The following TBK1 variants were observed in gnomAD, a reference collection of about 807,000 sequenced individuals.
The protein encoded by TBK1 is TANK binding kinase 1.
In TBK1, 37 loss-of-function variants were observed where a neutral mutation model predicts 99.9. The ratio of observed to expected loss-of-function variants is 0.37; its 90% CI spans 0.28 to 0.49. The LOEUF (loss-of-function observed/expected upper bound fraction) is 0.49. Among genes scored for constraint, TBK1 ranks in the 20% least tolerant of loss-of-function variants. The probability of loss-of-function intolerance (pLI) is 0.98; values close to 1 mark genes in which losing one functional copy is unlikely to be tolerated. For synonymous variants in TBK1, 258 were observed against 279.8 expected, an observed-to-expected ratio of 0.92 and a Z score of 0.78; for missense variants, 644 against 872.5, an observed-to-expected ratio of 0.74 and a Z score of 3.30.
At chr12:64,477,205 A>AG (rs749438094) in intron 6 of TBK1, among the ~76,000 whole-genome samples, 5 of 152,166 alleles carry the variant, frequency 3.3e-5, no homozygotes, top group Non-Finnish European at 7.4e-5. Context: ...TCTGTGAAAA[A>AG]TAACTGATAA....
Position 64,488,518 on chromosome 12 carries a change from G to A in TBK1, c.1372G>A (p.Val458Ile), listed in dbSNP as rs1381260223. 2.5e-6 allele frequency: 4 copies of A among 1,599,486 alleles called. No individual in the cohort carries two copies. Among genetic ancestry groups the A allele is most frequent in the African/African-American group, 1.3e-5 (1 of 74,198 alleles). Reference sequence around the variant, plus strand: ...AATTAAAGATGATTACAATGAAACTGTTCACAAAAAGACAGAAGTTGTGAT... The same window carrying A: ...AATTAAAGATGATTACAATGAAACTATTCACAAAAAGACAGAAGTTGTGAT... ...ELIKDDYNET[V>I]HKKTEVVITL... The change falls in exon 12 of 21, where the codon GTT becomes ATT. Residue 458 changes from valine (V) to isoleucine (I), a missense_variant. This residue lies in a region of TBK1 where 465 missense variants were observed against 588.0 expected (regional missense o/e 0.79). Transcript: ENST00000331710.
chr12:64,484,281 C>T (rs1403782445), intron 8 of TBK1, 22 bp from the exon 9 acceptor site: 3 of 1,537,574 alleles, frequency 2.0e-6, no homozygotes, highest in African/African-American at 2.8e-5. Flanking sequence ...TTATAGTGTC[C>T]TTTTGAATTT....
Position 64,497,621 on chromosome 12 carries a change from C to CTTTT in TBK1, c.1960-14_1960-11dup, listed in dbSNP as rs71092972. ...TCTGTGATTAATGTGGGGTTTTTTT[C>CTTTT]TTTTTTTTTTTTTTTTGATGTTTCA... On this transcript the variant is annotated intron_variant, in intron 18 of 20. Coordinates refer to ENST00000331710, the MANE Select transcript of TBK1 (RefSeq NM_013254.4). 1.2e-4 allele frequency: 118 copies of CTTTT among 1,024,980 alleles called. 1 individual carries two copies. The highest frequency in any genetic ancestry group is 2.4e-4 in the South Asian group (14 of 58,998). The allele number at this position is 1,024,980 out of a possible 1,614,324, so 63.5% of individuals were successfully genotyped here.
At chr12:64,453,045 G>A (rs2040445033) in intron 1 of TBK1, 1 of 152,308 alleles carries the variant, frequency 6.6e-6, no homozygotes, top group East Asian at 1.9e-4. Context: ...TAAGGAAGTA[G>A]GCTGAAGACG....
chr12:64,462,104 A>AT (rs2040554096), intron 3 of TBK1, among the ~76,000 whole-genome samples: 1 of 152,104 alleles, frequency 6.6e-6, no homozygotes, highest in African/African-American at 2.4e-5. Context: ...GTTTGGGGTA[A>AT]TTCCTTTAGT....
intron 2 of TBK1, among the ~76,000 whole-genome samples, chr12:64,457,741 C>T (rs975674163): frequency 6.6e-6 from 1 of 152,174 alleles, no homozygotes; most frequent in Non-Finnish European, 1.5e-5. Flanking sequence ...GCTCCTCTTT[C>T]CTTACTTAGA....
At chr12:64,481,766 G>A in intron 7 of TBK1, 76 bp from the exon 8 acceptor site, 1 of 1,085,630 alleles carries the variant, frequency 9.2e-7, no homozygotes. Context: ...TGATTTGCTG[G>A]TAAATACTAT....
At chr12:64,464,869 G>A (rs1047421592) in intron 4 of TBK1, among the ~76,000 whole-genome samples, 2 of 151,972 alleles carry the variant, frequency 1.3e-5, no homozygotes, top group Non-Finnish European at 1.5e-5. Flanking sequence ...ATTAATAACC[G>A]ACATCATTGG....
chr12:64,477,540 A>G (rs2040726589), intron 6 of TBK1, among the ~76,000 whole-genome samples: 1 of 152,234 alleles, frequency 6.6e-6, no homozygotes, highest in Non-Finnish European at 1.5e-5. Flanking sequence ...TATCAGGTCT[A>G]GGAGTCTTTT....
intron 1 of TBK1, among the ~76,000 whole-genome samples, chr12:64,455,327 A>G (rs976136840): frequency 4.6e-5 from 7 of 152,142 alleles, no homozygotes; most frequent in African/African-American, 1.7e-4. Flanking sequence ...ATTTTATTAT[A>G]GTATGTATAG....
intron 1 of TBK1, among the ~76,000 whole-genome samples, chr12:64,454,992 T>A: frequency 2.6e-4 from 1 of 3,856 alleles, no homozygotes; most frequent in South Asian, 8.6e-3. Context: ...TTTTTTTTTC[T>A]TTTTTTTTTT....
chr12:64,501,192 T>C, intron 20 of TBK1, 138 bp from the exon 21 acceptor site: 2 of 766,152 alleles, frequency 2.6e-6, no homozygotes, highest in Non-Finnish European at 2.1e-6. Flanking sequence ...CAGTAAGAAA[T>C]AGAACAAATC....
intron 6 of TBK1, 31 bp downstream of exon 6, chr12:64,474,421 A>G (rs777522240): frequency 1.3e-6 from 2 of 1,581,760 alleles, no homozygotes; most frequent in Non-Finnish European, 1.7e-6. Context: ...AAATCAGAGA[A>G]GCATTTAAAA....
At chr12:64,488,413 C>T in intron 11 of TBK1, 74 bp from the exon 12 acceptor site, 1 of 769,970 alleles carries the variant, frequency 1.3e-6, no homozygotes, top group Non-Finnish European at 2.1e-6. Flanking sequence ...AACTGTAGTA[C>T]TGCAGTATAA....
In TBK1 at chr12:64,494,538, G is replaced by C. The variant is rs558386464; in HGVS notation, c.1522-945G>C. On this transcript the variant is annotated intron_variant, in intron 13 of 20. Coordinates refer to ENST00000331710, the MANE Select transcript of TBK1 (RefSeq NM_013254.4). Reference sequence around the variant, plus strand: ...TTAAAAAATGTTAGAATGCAAATAAGTTGGGAAAATGTGATAAAGGGTTTT... The same window carrying C: ...TTAAAAAATGTTAGAATGCAAATAACTTGGGAAAATGTGATAAAGGGTTTT... 2.0e-5 allele frequency among the ~76,000 whole-genome samples: 3 copies of C among 152,146 alleles called. No homozygotes were observed. In the South Asian group the frequency reaches 6.2e-4, roughly 32 times the overall value.
At chr12:64,488,377 A>T in intron 11 of TBK1, 110 bp from the exon 12 acceptor site, 1 of 569,278 alleles carries the variant, frequency 1.8e-6, no homozygotes, top group Non-Finnish European at 3.0e-6. Context: ...GATGAATATC[A>T]TGAATATTGT....
intron 3 of TBK1, 113 bp downstream of exon 3, chr12:64,460,442 C>A: frequency 7.1e-6 from 5 of 707,362 alleles, no homozygotes; most frequent in East Asian, 2.9e-5. Context: ...GTTTGTACAA[C>A]CAAATACTTT....
Position 64,495,869 on chromosome 12 carries a change from C to G in TBK1, c.1720+94C>G, listed in dbSNP as rs190810251. 1.9e-4 allele frequency: 178 copies of G among 916,032 alleles called. No homozygotes were observed. The East Asian group carries it at 5.5e-3, about 28-fold the overall frequency. The allele number at this position is 916,032 out of a possible 1,614,324, so 56.7% of individuals were successfully genotyped here. On this transcript the variant is annotated intron_variant, in intron 15 of 20. Transcript: ENST00000331710. ...TAATTTGGTATATCTGTAAGGGTAG[C>G]TTCTTAAGCTGTTTTTTTCAGAGAT...
chr12:64,495,424 A>G, intron 13 of TBK1, 59 bp from the exon 14 acceptor site: 1 of 1,589,910 alleles, frequency 6.3e-7, no homozygotes, highest in Non-Finnish European at 8.5e-7. Context: ...CTTTGTTGGG[A>G]CTGTGATGAT....
Sources: gnomAD v4.1 joint callset for allele counts (sites outside exome capture counted in the v4.1 genomes callset) on GRCh38, gnomAD v4.1.1 for gene constraint, gnomAD v4.1.1 regional missense constraint, MANE v1.5 for transcripts, NCBI Gene and HGNC (gene_info 2026-07-23, HGNC 2026-07-21) for gene names.